MIGA1: variants seen among roughly 807,000 people sequenced by gnomAD.
MIGA1 encodes mitoguardin 1, also known as family with sequence similarity 73, member A.
Under a neutral mutation model 82.0 loss-of-function variants are expected in MIGA1, and 58 were observed. The ratio of observed to expected loss-of-function variants is 0.71; its 90% CI spans 0.57 to 0.88. MIGA1 has a LOEUF of 0.88. Ranked by LOEUF, MIGA1 falls within the 40% of genes least tolerant of loss-of-function variation. The pLI is 0.00. For missense variants in MIGA1, 751 were observed against 749.1 expected (o/e 1.00, Z -0.03); for synonymous variants, 249 against 253.6 (o/e 0.98, Z 0.17).
At chr1:77,806,846 C>A in intron 4 of MIGA1, 129 bp from the exon 5 acceptor site, 438 of 522,512 alleles carry the variant, frequency 8.4e-4, no homozygotes, top group Middle Eastern at 2.6e-3. Context: ...AGAATTATTT[C>A]TTCATGTGGA....
chr1:77,780,100 C>G lies in MIGA1; in HGVS notation c.81+364C>G, dbSNP rs919782564. ...TCTGGACGGCCGAGCTGGAGGGACC[C>G]CCTTTTCTGGTGTTCTTGGCAAAGA... On this transcript the variant is annotated intron_variant, in intron 1 of 15. Coordinates refer to ENST00000370791, the MANE Select transcript of MIGA1 (RefSeq NM_198549.4). The G allele has an allele frequency of 3.0e-6, 3 of 1,012,978 alleles. No individual in the cohort carries two copies. In the African/African-American group the frequency reaches 5.2e-5, roughly 17 times the overall value. 62.7% of individuals were successfully genotyped at this position (1,012,978 alleles called of 1,614,324 possible).
intron 12 of MIGA1, 102 bp downstream of exon 12, chr1:77,861,424 A>C: frequency 1.3e-6 from 1 of 772,750 alleles, no homozygotes; most frequent in Non-Finnish European, 2.2e-6. Flanking sequence ...AATAAAGCCA[A>C]TTGTATGGTT....
chr1:77,844,762 C>T (rs1215415193), intron 8 of MIGA1, among the ~76,000 whole-genome samples: 1 of 152,072 alleles, frequency 6.6e-6, no homozygotes, highest in Non-Finnish European at 1.5e-5. Flanking sequence ...CCTCCTGAGG[C>T]CCTGAGGTCA....
At chr1:77,794,393 C>G (rs1682567883) in intron 2 of MIGA1, among the ~76,000 whole-genome samples, 1 of 152,080 alleles carries the variant, frequency 6.6e-6, no homozygotes, top group South Asian at 2.1e-4. Context: ...ACAGTTCTTT[C>G]AGTTTTCCTT....
chr1:77,839,891 G>T (rs1038003974), intron 7 of MIGA1, among the ~76,000 whole-genome samples: 1 of 151,952 alleles, frequency 6.6e-6, no homozygotes, highest in African/African-American at 2.4e-5. Context: ...ACAGGTGTGT[G>T]CCACTGCACC....
intron 7 of MIGA1, among the ~76,000 whole-genome samples, chr1:77,832,124 G>C (rs1355834884): frequency 2.0e-5 from 3 of 152,272 alleles, no homozygotes; most frequent in African/African-American, 4.8e-5. Flanking sequence ...TATTTTTGTG[G>C]CTGAAACAGA....
intron 14 of MIGA1, among the ~76,000 whole-genome samples, chr1:77,872,562 G>C (rs1051643353): frequency 6.6e-6 from 1 of 152,100 alleles, no homozygotes; most frequent in Non-Finnish European, 1.5e-5. Flanking sequence ...GACTGCACCA[G>C]TGCACTTCAC....
chr1:77,811,480 A>C (rs1223154788), intron 5 of MIGA1: 1 of 1,547,368 alleles, frequency 6.5e-7, no homozygotes, highest in Non-Finnish European at 8.9e-7. Context: ...ATATGTAAGA[A>C]TATTCTTTAG....
chr1:77,842,756 G>T (rs1212420445), intron 7 of MIGA1, among the ~76,000 whole-genome samples: 1 of 152,158 alleles, frequency 6.6e-6, no homozygotes, highest in African/African-American at 2.4e-5. Flanking sequence ...TGGCGAGGCT[G>T]GTCTCGAACT....
In MIGA1 at chr1:77,803,412, T is replaced by A. The variant is rs768524431; in HGVS notation, c.510+6T>A. On this transcript the variant is annotated splice_donor_region_variant and intron_variant, in intron 4 of 15. Transcript: ENST00000370791. ...CTGCACAGAGTTTGGCCTCTGTAAG[T>A]ACAGAAAAAATATTAATTTTTAAAA... 14 of 1,428,248 alleles carry A rather than the reference T, an allele frequency of 9.8e-6. No homozygotes were observed. The highest frequency in any genetic ancestry group is 1.2e-5 in the Non-Finnish European group (13 of 1,078,682). 88.5% of individuals were successfully genotyped at this position (1,428,248 alleles called of 1,614,324 possible). A position where few individuals can be genotyped will look rare whatever the true frequency, so the allele number is the denominator to read the frequency against.
At chr1:77,829,874 T>C (rs1684177917) in intron 7 of MIGA1, among the ~76,000 whole-genome samples, 1 of 151,896 alleles carries the variant, frequency 6.6e-6, no homozygotes, top group African/African-American at 2.4e-5. Context: ...CTGACTGATT[T>C]GCAAAGCCCC....
chr1:77,857,288 C>T (rs1428740293), intron 8 of MIGA1, among the ~76,000 whole-genome samples: 1 of 150,054 alleles, frequency 6.7e-6, no homozygotes, highest in African/African-American at 2.4e-5. Flanking sequence ...GGTACTATTA[C>T]ATTCACTCTG....
chr1:77,830,075 A>G (rs1007710953), intron 7 of MIGA1, among the ~76,000 whole-genome samples: 9 of 152,172 alleles, frequency 5.9e-5, no homozygotes, highest in Non-Finnish European at 1.3e-4. Context: ...GAGACTTGTC[A>G]TGACTATTCT....
At chr1:77,799,916 A>G (rs1682807788) in intron 2 of MIGA1, among the ~76,000 whole-genome samples, 1 of 149,582 alleles carries the variant, frequency 6.7e-6, no homozygotes, top group South Asian at 2.1e-4. Context: ...AATGCTTCCT[A>G]TATCCTGCTT....
At position 77,874,951 on chromosome 1, in the gene MIGA1, A is replaced by C; in HGVS notation, c.1786A>C (p.Thr596Pro). 1 of 1,614,152 alleles carries C rather than the reference A, an allele frequency of 6.2e-7. No individual in the cohort carries two copies. Among genetic ancestry groups the C allele is most frequent in the Non-Finnish European group, 8.5e-7 (1 of 1,180,008 alleles). The change falls in exon 16 of 16, where the codon ACT becomes CCT. Residue 596 changes from threonine (T) to proline (P), a missense_variant. Coordinates refer to ENST00000370791, the MANE Select transcript of MIGA1 (RefSeq NM_198549.4). Reference sequence around the variant, plus strand: ...CCTCATGCAGTTACTCATTCGCCGCACTGAGCTTTTAATGGCCTATCTTGA... The same window carrying C: ...CCTCATGCAGTTACTCATTCGCCGCCCTGAGCTTTTAATGGCCTATCTTGA...
At chr1:77,852,016 G>A (rs1164625216) in intron 8 of MIGA1, among the ~76,000 whole-genome samples, 3 of 151,488 alleles carry the variant, frequency 2.0e-5, no homozygotes, top group African/African-American at 4.9e-5. Context: ...TCCCAAGTAG[G>A]TGGGATTACA....
intron 7 of MIGA1, among the ~76,000 whole-genome samples, chr1:77,819,388 A>G (rs559398325): frequency 1.3e-5 from 2 of 151,276 alleles, no homozygotes; most frequent in South Asian, 2.1e-4. Context: ...GGTTCAAGCA[A>G]TTCTCCTGCC....
At chr1:77,824,859 C>T (rs1683968562) in intron 7 of MIGA1, among the ~76,000 whole-genome samples, 1 of 152,048 alleles carries the variant, frequency 6.6e-6, no homozygotes, top group African/African-American at 2.4e-5. Flanking sequence ...TTATTGTTTG[C>T]CATGTTCCAT....
chr1:77,863,767 A>G, intron 12 of MIGA1, 127 bp from the exon 13 acceptor site: 1 of 641,610 alleles, frequency 1.6e-6, no homozygotes, highest in Non-Finnish European at 2.5e-6. Flanking sequence ...CTCTCCTTTT[A>G]TTTTTTATTT....
Sources: allele counts gnomAD v4.1 joint callset (sites outside exome capture counted in the v4.1 genomes callset), GRCh38; gene constraint gnomAD v4.1.1; transcripts MANE v1.5; gene names NCBI Gene and HGNC (gene_info 2026-07-23, HGNC 2026-07-21).